Variants in PPIP5K2 observed in about 807,000 individuals in gnomAD.
The protein encoded by PPIP5K2 is diphosphoinositol pentakisphosphate kinase 2.
A neutral mutation model predicts 154.6 loss-of-function variants in PPIP5K2; 105 were observed. The ratio of observed to expected loss-of-function variants is 0.68; its 90% CI spans 0.58 to 0.80. The LOEUF is 0.80. Among genes scored for constraint, PPIP5K2 ranks in the 30% least tolerant of loss-of-function variants. PPIP5K2 has a pLI of 0.00. For missense variants in PPIP5K2, 992 were observed against 1,504.6 expected (o/e 0.66, Z 5.64); for synonymous variants, 480 against 490.3 (o/e 0.98, Z 0.28).
At chr5:103,149,071 A>G in intron 7 of PPIP5K2, 81 bp from the exon 8 acceptor site, 8 of 1,090,580 alleles carry the variant, frequency 7.3e-6, no homozygotes, top group Non-Finnish European at 8.6e-6. Flanking sequence ...TAATTTTTTC[A>G]TTGTATTTGT....
chr5:103,148,694 C>T (rs1478728138), intron 7 of PPIP5K2, among the ~76,000 whole-genome samples: 2 of 152,062 alleles, frequency 1.3e-5, no homozygotes, highest in South Asian at 4.1e-4. Context: ...GATAACTTGC[C>T]GATACCTGAA....
chr5:103,197,410 G>T (rs1342627887), intron 30 of PPIP5K2, among the ~76,000 whole-genome samples: 1 of 151,412 alleles, frequency 6.6e-6, no homozygotes, highest in Non-Finnish European at 1.5e-5. Flanking sequence ...TCTTTTTAAT[G>T]AATGTGGTAA....
chr5:103,121,102 G>C (rs1554198863), intron 1 of PPIP5K2, among the ~76,000 whole-genome samples: 1 of 151,978 alleles, frequency 6.6e-6, no homozygotes, highest in African/African-American at 2.4e-5. Context: ...GCGACTCTTG[G>C]TGTCCTTTGG....
chr5:103,169,387 A>T (rs1413231804), intron 19 of PPIP5K2, among the ~76,000 whole-genome samples: 1 of 151,812 alleles, frequency 6.6e-6, no homozygotes, highest in Non-Finnish European at 1.5e-5. Flanking sequence ...ATGAAAAAAA[A>T]GTTCAAAAAG....
intron 27 of PPIP5K2, 122 bp from the exon 28 acceptor site, chr5:103,187,192 T>G (rs1554225438): frequency 4.5e-6 from 3 of 670,684 alleles, no homozygotes; most frequent in East Asian, 2.8e-5. Flanking sequence ...TTACATTCTC[T>G]CATTGTCCCT....
At chr5:103,193,160 G>C (rs183489316) in intron 29 of PPIP5K2, among the ~76,000 whole-genome samples, 37 of 152,156 alleles carry the variant, frequency 2.4e-4, no homozygotes, top group African/African-American at 8.9e-4. Flanking sequence ...GGTCAAGCAA[G>C]ACTAAAATCC....
rs1456916349 is a variant in PPIP5K2, at chr5:103,144,140, A to T, written c.488-2387A>T. 2.0e-5 allele frequency among the ~76,000 whole-genome samples: 3 copies of T among 151,728 alleles called. No individual in the cohort carries two copies. In the East Asian group the frequency reaches 5.8e-4, roughly 29 times the overall value. On this transcript the variant is annotated intron_variant, in intron 5 of 30. Coordinates refer to ENST00000358359, the MANE Select transcript of PPIP5K2 (RefSeq NM_001276277.3). ...GCATTTCTATATGCGAACAGCAAAC[A>T]ATCTGAAAAAGAAACTAAAAAAAAA...
intron 19 of PPIP5K2, among the ~76,000 whole-genome samples, chr5:103,169,961 C>T (rs1797721848): frequency 6.6e-6 from 1 of 151,576 alleles, no homozygotes; most frequent in Non-Finnish European, 1.5e-5. Context: ...GCTAAATACA[C>T]AATGCTTTGT....
intron 30 of PPIP5K2, among the ~76,000 whole-genome samples, chr5:103,200,259 C>G (rs143373194): frequency 1.3e-5 from 2 of 152,200 alleles, no homozygotes; most frequent in East Asian, 3.9e-4. Flanking sequence ...TGGGCTCATC[C>G]TTTTTGAGAT....
chr5:103,182,124 G>A (rs1217682578), intron 24 of PPIP5K2, among the ~76,000 whole-genome samples: 14 of 152,112 alleles, frequency 9.2e-5, no homozygotes, highest in Admixed American at 9.2e-4. Flanking sequence ...TACTATTTGT[G>A]TGAGGGCAGT....
At chr5:103,185,092 G>A (rs931263490) in intron 26 of PPIP5K2, among the ~76,000 whole-genome samples, 1 of 152,006 alleles carries the variant, frequency 6.6e-6, no homozygotes, top group Non-Finnish European at 1.5e-5. Context: ...ATGCAGAAAG[G>A]GACTTTCCAT....
chr5:103,209,263 C>T lies in PPIP5K2; in HGVS notation c.*7629C>T, dbSNP rs1380655184. ...CTCCTAATGCTCTTTTATGGCTGCT[C>T]CTGTTGCCAGGGCAACAGCCTGCCT... On this transcript the variant is annotated 3_prime_UTR_variant, in exon 31 of 31. Transcript: ENST00000358359. 4 of 152,044 alleles carry T rather than the reference C, an allele frequency of 2.6e-5. No individual in the cohort carries two copies. The highest frequency in any genetic ancestry group is 6.6e-5 in the Admixed American group (1 of 15,262). The allele number at this position is 152,044 out of a possible 1,614,324, so 9.4% of individuals were successfully genotyped here.
In PPIP5K2 at chr5:103,207,972, G is replaced by A. The variant is rs1803605734; in HGVS notation, c.*6338G>A. On this transcript the variant is annotated 3_prime_UTR_variant, in exon 31 of 31. Transcript: ENST00000358359. ...TCAAGTATTACTTACCTTTATATGA[G>A]ATAAATTTCTTTCTGGCTCATCTAT... The A allele has an allele frequency of 6.6e-6, 1 of 151,806 alleles. No homozygotes were observed. The highest frequency in any genetic ancestry group is 2.1e-4 in the South Asian group (1 of 4,826). 9.4% of individuals were successfully genotyped at this position (151,806 alleles called of 1,614,324 possible).
chr5:103,139,294 A>G (rs1792136996), intron 5 of PPIP5K2, among the ~76,000 whole-genome samples: 1 of 152,204 alleles, frequency 6.6e-6, no homozygotes, highest in African/African-American at 2.4e-5. Flanking sequence ...GGGGGGAGGC[A>G]GAACAAGATG....
At chr5:103,133,874 C>T (rs1192041857) in intron 3 of PPIP5K2, among the ~76,000 whole-genome samples, 1 of 151,928 alleles carries the variant, frequency 6.6e-6, no homozygotes, top group Non-Finnish European at 1.5e-5. Flanking sequence ...TAACCTTTTT[C>T]ACTATTATAT....
At chr5:103,184,468 C>T (rs1036835281) in intron 25 of PPIP5K2, 17 of 462,984 alleles carry the variant, frequency 3.7e-5, no homozygotes, top group African/African-American at 6.0e-5. Context: ...ATGCCTGCTT[C>T]GCACCACTTC....
chr5:103,199,361 T>G (rs1462529274), intron 30 of PPIP5K2, among the ~76,000 whole-genome samples: 1 of 152,186 alleles, frequency 6.6e-6, no homozygotes, highest in Non-Finnish European at 1.5e-5. Flanking sequence ...TTTTTTTGTG[T>G]CTGAAAAATG....
At chr5:103,157,380 TA>T (rs1449522745) in intron 14 of PPIP5K2, among the ~76,000 whole-genome samples, 1 of 152,220 alleles carries the variant, frequency 6.6e-6, no homozygotes, top group Non-Finnish European at 1.5e-5. Context: ...TTTGTTTGCG[TA>T]AAATTTATTA....
At chr5:103,200,541 A>G (rs367623954) in intron 30 of PPIP5K2, among the ~76,000 whole-genome samples, 6 of 152,128 alleles carry the variant, frequency 3.9e-5, no homozygotes, top group African/African-American at 1.4e-4. Context: ...TTGGTCTGAT[A>G]GAAGCTTACC....
Sources: gnomAD v4.1 joint callset for allele counts (sites outside exome capture counted in the v4.1 genomes callset) on GRCh38, gnomAD v4.1.1 for gene constraint, MANE v1.5 for transcripts, NCBI Gene and HGNC (gene_info 2026-07-23, HGNC 2026-07-21) for gene names.